Variants in KCNK2 observed in about 807,000 individuals in gnomAD.
KCNK2 encodes potassium two pore domain channel subfamily K member 2.
Under a neutral mutation model 40.5 loss-of-function variants are expected in KCNK2, and 21 were observed. The ratio of observed to expected loss-of-function variants is 0.52; its 90% CI spans 0.37 to 0.75. The LOEUF (loss-of-function observed/expected upper bound fraction) is 0.75, where lower values mean the gene tolerates loss of function less well. Ranked by LOEUF, KCNK2 falls within the 30% of genes least tolerant of loss-of-function variation. KCNK2 has a pLI of 0.00. For synonymous variants in KCNK2, 191 were observed against 202.2 expected, an observed-to-expected ratio of 0.94 and a Z score of 0.47; for missense variants, 399 against 531.6, an observed-to-expected ratio of 0.75 and a Z score of 2.45.
chr1:215,015,520 C>A (rs1656556460), intron 1 of KCNK2, among the ~76,000 whole-genome samples: 1 of 152,006 alleles, frequency 6.6e-6, no homozygotes, highest in Non-Finnish European at 1.5e-5. Flanking sequence ...CCATTCATGA[C>A]CTGAGATGGA....
At chr1:215,140,644 T>C (rs954224096) in intron 3 of KCNK2, among the ~76,000 whole-genome samples, 1 of 152,148 alleles carries the variant, frequency 6.6e-6, no homozygotes, top group Non-Finnish European at 1.5e-5. Flanking sequence ...TTTTTAAAAA[T>C]AGTACACTTG....
intron 2 of KCNK2, among the ~76,000 whole-genome samples, chr1:215,123,224 A>AT (rs1273633471): frequency 4.1e-5 from 4 of 96,422 alleles, no homozygotes; most frequent in East Asian, 6.9e-4. Flanking sequence ...AAATATGGTA[A>AT]TAAAAAAAAC....
chr1:215,209,233 T>A (rs1227593167), intron 6 of KCNK2, among the ~76,000 whole-genome samples: 3 of 129,308 alleles, frequency 2.3e-5, no homozygotes, highest in East Asian at 2.1e-4. Flanking sequence ...ATATATAAAA[T>A]ATATATAAAT....
chr1:215,180,939 C>T (rs569591788), intron 5 of KCNK2, among the ~76,000 whole-genome samples: 50 of 152,234 alleles, frequency 3.3e-4, no homozygotes, highest in African/African-American at 1.2e-3. Flanking sequence ...TGAATTATTC[C>T]TTCAAATATG....
intron 2 of KCNK2, among the ~76,000 whole-genome samples, chr1:215,111,562 C>T (rs2102563503): frequency 6.6e-6 from 1 of 152,168 alleles, no homozygotes; most frequent in South Asian, 2.1e-4. Flanking sequence ...AATTTTTCCA[C>T]TAAATTATTG....
chr1:215,219,575 C>T (rs1286079797), intron 6 of KCNK2, among the ~76,000 whole-genome samples: 2 of 152,144 alleles, frequency 1.3e-5, no homozygotes, highest in Non-Finnish European at 2.9e-5. Context: ...AATTTTGATT[C>T]ATCCCATGAC....
chr1:215,051,400 GT>G (rs1253929221), intron 1 of KCNK2, among the ~76,000 whole-genome samples: 2 of 152,182 alleles, frequency 1.3e-5, no homozygotes, highest in Non-Finnish European at 2.9e-5. Context: ...GAGCTGTCTT[GT>G]TTTTGTCTTG....
chr1:215,199,792 A>C (rs1665008856), intron 6 of KCNK2, among the ~76,000 whole-genome samples: 1 of 152,230 alleles, frequency 6.6e-6, no homozygotes, highest in Non-Finnish European at 1.5e-5. Flanking sequence ...AGATGTGACC[A>C]CAAGACTCAG....
At chr1:215,213,311 T>C (rs1665820933) in intron 6 of KCNK2, among the ~76,000 whole-genome samples, 1 of 152,120 alleles carries the variant, frequency 6.6e-6, no homozygotes, top group Non-Finnish European at 1.5e-5. Context: ...TTAAACTTTA[T>C]AAAAAAATTC....
rs1455913367 is a variant in KCNK2, at chr1:215,083,439, C to T, written c.46+8C>T. On this transcript the variant is annotated splice_region_variant and intron_variant, in intron 1 of 6. Transcript: ENST00000444842. ...CCGGCTATAGAGCAGGAGGTGAGAC[C>T]CCCCCTCCGGTACCCCCACCCCTCT... 2 of 1,607,272 alleles carry T rather than the reference C, an allele frequency of 1.2e-6. No homozygotes were observed. Among genetic ancestry groups the T allele is most frequent in the Admixed American group, 1.7e-5 (1 of 60,002 alleles).
intron 2 of KCNK2, among the ~76,000 whole-genome samples, chr1:215,092,081 G>C (rs1205717036): frequency 6.6e-6 from 1 of 152,168 alleles, no homozygotes; most frequent in Non-Finnish European, 1.5e-5. Context: ...ACAAGGCAGT[G>C]AGTAGAAACA....
intron 3 of KCNK2, among the ~76,000 whole-genome samples, chr1:215,131,658 TG>T (rs201831231): frequency 0.082 from 12,478 of 151,854 alleles, 569 homozygotes; most frequent in Middle Eastern, 0.14. Flanking sequence ...TTATTATATC[TG>T]AGTGTCAGAA....
chr1:215,034,340 ATGT>A (rs1335164817), intron 1 of KCNK2, among the ~76,000 whole-genome samples: 1 of 120,814 alleles, frequency 8.3e-6, no homozygotes, highest in Non-Finnish European at 1.8e-5. Flanking sequence ...ATGGGCACTT[ATGT>A]TGTTTTCATT....
At chr1:215,027,521 C>G (rs753448677) in intron 1 of KCNK2, among the ~76,000 whole-genome samples, 1 of 152,158 alleles carries the variant, frequency 6.6e-6, no homozygotes, top group Non-Finnish European at 1.5e-5. Flanking sequence ...TGCTGAAATA[C>G]TAAATTATGT....
At chr1:215,221,815 T>G (rs1410413060) in intron 6 of KCNK2, among the ~76,000 whole-genome samples, 2 of 152,206 alleles carry the variant, frequency 1.3e-5, no homozygotes, top group African/African-American at 2.4e-5. Context: ...AGCACACAAA[T>G]TATATTGTTT....
chr1:215,064,306 G>T (rs571129452), intron 1 of KCNK2, among the ~76,000 whole-genome samples: 30 of 151,724 alleles, frequency 2.0e-4, no homozygotes, highest in Non-Finnish European at 3.2e-4. Context: ...ATGCCTCGGG[G>T]GTGTGTGTGT....
intron 6 of KCNK2, among the ~76,000 whole-genome samples, chr1:215,221,780 A>G (rs192739276): frequency 6.6e-6 from 1 of 152,344 alleles, no homozygotes; most frequent in East Asian, 1.9e-4. Flanking sequence ...ACTCAATCAT[A>G]TAACAGTGTA....
intron 1 of KCNK2, among the ~76,000 whole-genome samples, chr1:215,040,251 C>G (rs1430138010): frequency 1.3e-5 from 2 of 152,066 alleles, no homozygotes; most frequent in African/African-American, 4.8e-5. Flanking sequence ...AATTTATCAG[C>G]CTTAGAAACT....
intron 1 of KCNK2, among the ~76,000 whole-genome samples, chr1:215,010,871 TGTGTGTG>T (rs1656357757): frequency 8.1e-6 from 1 of 123,224 alleles, no homozygotes. Flanking sequence ...TTTTTTTTTG[TGTGTGTG>T]TGTGTGTGTG....
Sources: allele counts gnomAD v4.1 joint callset (sites outside exome capture counted in the v4.1 genomes callset), GRCh38; gene constraint gnomAD v4.1.1; transcripts MANE v1.5; gene names NCBI Gene and HGNC (gene_info 2026-07-23, HGNC 2026-07-21).